PCDH11Y: variants seen among roughly 807,000 people sequenced by gnomAD.
PCDH11Y encodes the protein protocadherin 11 Y-linked, also known as protocadherin-11 Y-linked.
For synonymous variants in PCDH11Y, 9 were observed against 83.6 expected, an observed-to-expected ratio of 0.11 and a Z score of 4.87; for missense variants, 12 against 224.8, an observed-to-expected ratio of 0.05 and a Z score of 6.05.
chrY:5,720,326 T>C, intron 4 of PCDH11Y, among the ~76,000 whole-genome samples: 1 of 27,553 alleles, frequency 3.6e-5, no homozygotes, highest in Non-Finnish European at 8.5e-5. Flanking sequence ...AAATTTCATC[T>C]TGAATTGAAG....
chrY:5,198,297 G>A (rs2124649529), intron 2 of PCDH11Y, among the ~76,000 whole-genome samples: 2 of 27,716 alleles, frequency 7.2e-5, no homozygotes, highest in African/African-American at 1.4e-4. Context: ...ATAGGTGCCC[G>A]CCACCATGCC....
chrY:5,360,812 T>G (rs1602911421), intron 2 of PCDH11Y, among the ~76,000 whole-genome samples: 1 of 32,202 alleles, frequency 3.1e-5, no homozygotes, highest in African/African-American at 1.2e-4. Flanking sequence ...TGTGGCTATT[T>G]GGGGGAAGCT....
chrY:5,331,530 C>T, intron 2 of PCDH11Y, among the ~76,000 whole-genome samples: 3 of 33,502 alleles, frequency 9.0e-5, no homozygotes, highest in Non-Finnish European at 2.2e-4. Context: ...ATGATAAAAT[C>T]GAGGTCTCCA....
chrY:5,387,306 G>A (rs374392686), intron 2 of PCDH11Y, among the ~76,000 whole-genome samples: 4 of 33,758 alleles, frequency 1.2e-4, no homozygotes, highest in South Asian at 6.5e-4. Context: ...GATTACAGGC[G>A]TGAGCCACCG....
intron 3 of PCDH11Y, among the ~76,000 whole-genome samples, chrY:5,516,074 T>G: frequency 3.0e-5 from 1 of 33,677 alleles, no homozygotes; most frequent in East Asian, 7.7e-4. Flanking sequence ...TCTAATTTAA[T>G]GAAAGAGCTT....
intron 2 of PCDH11Y, among the ~76,000 whole-genome samples, chrY:5,164,740 C>T: frequency 3.1e-5 from 1 of 32,697 alleles, no homozygotes; most frequent in Admixed American, 2.8e-4. Flanking sequence ...CCAGTAACAC[C>T]TTTAAATATA....
chrY:5,728,818 T>C, intron 4 of PCDH11Y, among the ~76,000 whole-genome samples: 1 of 32,386 alleles, frequency 3.1e-5, no homozygotes, highest in South Asian at 7.0e-4. Flanking sequence ...TGTTGCTGTC[T>C]TTATTTCCAT....
chrY:5,190,229 G>C, intron 2 of PCDH11Y, among the ~76,000 whole-genome samples: 6 of 32,765 alleles, frequency 1.8e-4, no homozygotes, highest in African/African-American at 7.1e-4. Context: ...TATAGAGGAG[G>C]GAACAATTAA....
chrY:5,524,228 C>T, intron 3 of PCDH11Y, among the ~76,000 whole-genome samples: 2 of 33,374 alleles, frequency 6.0e-5, no homozygotes, highest in African/African-American at 1.2e-4. Context: ...AACCTGCAAA[C>T]TCTGTAAGAA....
intron 2 of PCDH11Y, among the ~76,000 whole-genome samples, chrY:5,349,265 G>A (rs2053155434): frequency 6.2e-5 from 2 of 32,279 alleles, no homozygotes; most frequent in African/African-American, 1.2e-4. Flanking sequence ...AGCATCCCAA[G>A]GTTTTCAAGA....
chrY:5,029,466 C>T (rs2052585202), intron 1 of PCDH11Y, among the ~76,000 whole-genome samples: 1 of 31,562 alleles, frequency 3.2e-5, no homozygotes, highest in South Asian at 7.3e-4. Context: ...TTTATTTACT[C>T]AAACTATGGA....
At chrY:5,068,482 C>T in intron 1 of PCDH11Y, among the ~76,000 whole-genome samples, 1 of 30,711 alleles carries the variant, frequency 3.3e-5, no homozygotes, top group Non-Finnish European at 7.8e-5. Flanking sequence ...TTGACCTGTA[C>T]AGTGTACAGT....
chrY:5,477,200 A>G, intron 2 of PCDH11Y, among the ~76,000 whole-genome samples: 2 of 33,689 alleles, frequency 5.9e-5, no homozygotes, highest in Non-Finnish European at 1.5e-4. Context: ...TACCTAGTTT[A>G]TTAAGAGTTT....
intron 2 of PCDH11Y, among the ~76,000 whole-genome samples, chrY:5,344,711 C>T (rs2053150193): frequency 3.1e-5 from 1 of 32,675 alleles, no homozygotes; most frequent in African/African-American, 1.2e-4. Flanking sequence ...CTCTGTCACC[C>T]CAGTTGGAGT....
At chrY:5,650,509 T>C in intron 4 of PCDH11Y, among the ~76,000 whole-genome samples, 2 of 33,403 alleles carry the variant, frequency 6.0e-5, no homozygotes, top group Non-Finnish European at 1.5e-4. Flanking sequence ...AGAATGTCAG[T>C]GTTCCAATTT....
chrY:5,333,440 G>A, intron 2 of PCDH11Y, among the ~76,000 whole-genome samples: 1 of 33,344 alleles, frequency 3.0e-5, no homozygotes, highest in Non-Finnish European at 7.4e-5. Flanking sequence ...ACCGCCCAAC[G>A]GGTTCACCTT....
intron 3 of PCDH11Y, among the ~76,000 whole-genome samples, chrY:5,036,883 CTA>C (rs2052599564): frequency 9.1e-5 from 3 of 33,126 alleles, no homozygotes; most frequent in African/African-American, 3.5e-4. Context: ...AAAATGATCT[CTA>C]TGGAGTCTTT....
chrY:5,331,498 A>G (rs2124667604), intron 2 of PCDH11Y, among the ~76,000 whole-genome samples: 7 of 33,463 alleles, frequency 2.1e-4, no homozygotes, highest in African/African-American at 8.2e-4. Flanking sequence ...TCAGAAGCCT[A>G]TTACTTGGAG....
intron 2 of PCDH11Y, among the ~76,000 whole-genome samples, chrY:5,215,414 C>T: frequency 6.3e-5 from 2 of 31,601 alleles, no homozygotes; most frequent in Non-Finnish European, 1.5e-4. Context: ...AGCCTCACTA[C>T]TGTTGTGCTG....
Sources: allele counts gnomAD v4.1 joint callset (sites outside exome capture counted in the v4.1 genomes callset), GRCh38; gene constraint gnomAD v4.1.1; transcripts MANE v1.5; gene names NCBI Gene and HGNC (gene_info 2026-07-23, HGNC 2026-07-21).